Variants in DLD observed in about 807,000 individuals in gnomAD.
DLD encodes the protein dihydrolipoyl dehydrogenase, mitochondrial.
In DLD, 36 loss-of-function variants were observed where a neutral mutation model predicts 62.2. That is an observed-to-expected ratio of 0.58 (90% CI 0.44 to 0.76). The LOEUF (loss-of-function observed/expected upper bound fraction) is 0.76, where lower values mean the gene tolerates loss of function less well. Among genes scored for constraint, DLD ranks in the 30% least tolerant of loss-of-function variants. The pLI is 0.00. For missense variants in DLD, 541 were observed against 608.6 expected, an observed-to-expected ratio of 0.89 and a Z score of 1.17; for synonymous variants, 204 against 199.6, an observed-to-expected ratio of 1.02 and a Z score of -0.19.
chr7:107,905,163 A>C (rs1161304245), intron 6 of DLD, 105 bp downstream of exon 6: 2 of 1,061,084 alleles, frequency 1.9e-6, no homozygotes, highest in African/African-American at 3.2e-5. Flanking sequence ...TATTTATTTA[A>C]TTTAAAATAG....
At chr7:107,912,821 T>C (rs2032176177) in intron 8 of DLD, among the ~76,000 whole-genome samples, 2 of 152,148 alleles carry the variant, frequency 1.3e-5, no homozygotes, top group South Asian at 2.1e-4. Flanking sequence ...CATTTGTCTG[T>C]TTTTGCTTTA....
chr7:107,911,429 A>G (rs1351302920), intron 8 of DLD, among the ~76,000 whole-genome samples: 1 of 152,134 alleles, frequency 6.6e-6, no homozygotes, highest in Non-Finnish European at 1.5e-5. Context: ...ACTATTATGA[A>G]TGACACTGCT....
intron 8 of DLD, among the ~76,000 whole-genome samples, chr7:107,911,317 TACTTC>T (rs2032133763): frequency 6.6e-6 from 1 of 152,214 alleles, no homozygotes; most frequent in Non-Finnish European, 1.5e-5. Context: ...CATGTATCTA[TACTTC>T]ATTTCTTTAT....
At chr7:107,893,682 A>G (rs2116165293) in intron 2 of DLD, 1 of 158,014 alleles carries the variant, frequency 6.3e-6, no homozygotes. Context: ...AGAGGGAAAC[A>G]ACACTGAGAA....
At position 107,903,165 on chromosome 7, in the gene DLD, G is replaced by T. The variant is rs371898775; in HGVS notation, c.268-313G>T. ...TGTAATCCCAGCACTTTGGGAGGCC[G>T]AGGCGGGTGGATCACCTGAGGCTGG... On this transcript the variant is annotated intron_variant, in intron 4 of 13. Transcript: ENST00000205402. 7.9e-5 allele frequency among the ~76,000 whole-genome samples: 12 copies of T among 152,268 alleles called. No homozygotes were observed. In the East Asian group the frequency reaches 2.3e-3, roughly 29 times the overall value.
intron 2 of DLD, among the ~76,000 whole-genome samples, chr7:107,896,867 G>A (rs546615979): frequency 1.3e-5 from 2 of 150,086 alleles, no homozygotes; most frequent in East Asian, 3.9e-4. Context: ...ACAAAGTCTC[G>A]CTCTTGTCCC....
rs778122189 is a variant in DLD, at chr7:107,891,274, C to T, written c.24C>T (p.Tyr8=). Residue 8 remains tyrosine (Y), a synonymous_variant, in exon 1 of 14, where the codon TAC becomes TAT. Coordinates refer to ENST00000205402, the MANE Select transcript of DLD (RefSeq NM_000108.5). Reference sequence around the variant, plus strand: ...AAATGCAGAGCTGGAGTCGTGTGTACTGCTCCTTGGCCAAGGTGAGGGCCG... The same window carrying T: ...AAATGCAGAGCTGGAGTCGTGTGTATTGCTCCTTGGCCAAGGTGAGGGCCG... MQSWSRV[Y]CSLAKRGHFN... 13 of 1,614,004 alleles carry T rather than the reference C, an allele frequency of 8.1e-6. No individual in the cohort carries two copies. Among genetic ancestry groups the T allele is most frequent in the Non-Finnish European group, 9.3e-6 (11 of 1,179,962 alleles).
chr7:107,913,013 A>G (rs145203171), intron 8 of DLD, among the ~76,000 whole-genome samples: 2 of 152,246 alleles, frequency 1.3e-5, no homozygotes, highest in East Asian at 3.9e-4. Context: ...ATTCTTCCGC[A>G]TACGGTTATC....
chr7:107,905,203 A>G, intron 6 of DLD, 145 bp downstream of exon 6: 1 of 1,015,188 alleles, frequency 9.9e-7, no homozygotes, highest in South Asian at 1.4e-5. Context: ...TTTCCCTGAC[A>G]TATATCACAG....
chr7:107,907,360 G>T (rs2116229936), intron 8 of DLD, among the ~76,000 whole-genome samples: 1 of 152,236 alleles, frequency 6.6e-6, no homozygotes, highest in South Asian at 2.1e-4. Context: ...TTCCTAAGAT[G>T]GTACACTGCC....
intron 11 of DLD, 56 bp from the exon 12 acceptor site, chr7:107,917,868 A>G (rs1460301918): frequency 1.9e-6 from 3 of 1,610,060 alleles, no homozygotes; most frequent in Non-Finnish European, 2.5e-6. Flanking sequence ...TGATTTTACA[A>G]ATTGGAAAGA....
At chr7:107,903,811 G>A (rs1053927543) in intron 5 of DLD, 5 of 327,266 alleles carry the variant, frequency 1.5e-5, no homozygotes, top group African/African-American at 6.5e-5. Context: ...TTTTTCCTGA[G>A]GTTTGCCTTT....
At chr7:107,907,212 T>G (rs2116229417) in intron 8 of DLD, among the ~76,000 whole-genome samples, 1 of 152,336 alleles carries the variant, frequency 6.6e-6, no homozygotes, top group African/African-American at 2.4e-5. Flanking sequence ...TCGGTTTGAA[T>G]GCAGCAGTCT....
At chr7:107,913,277 A>G (rs548035813) in intron 8 of DLD, among the ~76,000 whole-genome samples, 2 of 151,856 alleles carry the variant, frequency 1.3e-5, no homozygotes, top group Non-Finnish European at 2.9e-5. Context: ...TGGCAGTTGA[A>G]TATCATTGGT....
At chr7:107,906,177 A>T in intron 7 of DLD, 90 bp from the exon 8 acceptor site, 1 of 762,608 alleles carries the variant, frequency 1.3e-6, no homozygotes, top group Non-Finnish European at 2.2e-6. Flanking sequence ...GGTTGGTTAA[A>T]TCTGCAAATT....
Position 107,903,152 on chromosome 7 carries a change from A to G in DLD, c.268-326A>G, listed in dbSNP as rs1394076825. ...GGTGGCTCACGTCTGTAATCCCAGC[A>G]CTTTGGGAGGCCGAGGCGGGTGGAT... is the stretch of plus-strand genomic sequence containing the variant. On this transcript the variant is annotated intron_variant, in intron 4 of 13. Transcript: ENST00000205402. Among the ~76,000 whole-genome samples the G allele has an allele frequency of 2.6e-5, 4 of 152,250 alleles. No homozygotes were observed. In the East Asian group the frequency reaches 7.7e-4, roughly 29 times the overall value.
At chr7:107,908,153 C>CTTTTTTTTT (rs71134291) in intron 8 of DLD, among the ~76,000 whole-genome samples, 1 of 137,330 alleles carries the variant, frequency 7.3e-6, no homozygotes. Context: ...TTTTGTTTTT[C>CTTTTTTTTT]TTTTTTTTTT....
At chr7:107,906,108 G>A (rs1021850101) in intron 7 of DLD, among the ~76,000 whole-genome samples, 159 bp from the exon 8 acceptor site, 1 of 152,136 alleles carries the variant, frequency 6.6e-6, no homozygotes. Flanking sequence ...AAAAAACCAT[G>A]TGTACATGTT....
chr7:107,908,679 A>T lies in DLD; in HGVS notation c.684+2311A>T, dbSNP rs1045699122. Among the ~76,000 whole-genome samples the T allele has an allele frequency of 2.0e-5, 3 of 151,812 alleles. No homozygotes were observed. The East Asian group carries it at 5.8e-4, about 29-fold the overall frequency. On this transcript the variant is annotated intron_variant, in intron 8 of 13. Coordinates refer to ENST00000205402, the MANE Select transcript of DLD (RefSeq NM_000108.5). The stretch of plus-strand genomic sequence containing the variant: ...GAGACCCTGTCTCAAAAAAAAAAAA[A>T]AACCCCAAAACAAAAATCAGCTTTT...
Sources: gnomAD v4.1 joint callset for allele counts (sites outside exome capture counted in the v4.1 genomes callset) on GRCh38, gnomAD v4.1.1 for gene constraint, MANE v1.5 for transcripts, NCBI Gene and HGNC (gene_info 2026-07-23, HGNC 2026-07-21) for gene names.